The following MAPK1IP1L variants were observed in gnomAD, a reference collection of about 807,000 sequenced individuals.
MAPK1IP1L encodes the protein MAPK-interacting and spindle-stabilizing protein-like.
Under a neutral mutation model 18.1 loss-of-function variants are expected in MAPK1IP1L, and 10 were observed. The ratio of observed to expected loss-of-function variants is 0.55; its 90% confidence interval spans 0.34 to 0.94. The LOEUF (loss-of-function observed/expected upper bound fraction) is 0.94, where lower values mean the gene tolerates loss of function less well. MAPK1IP1L is among the 40% of genes least tolerant of loss of function. The pLI is 0.02. For synonymous variants in MAPK1IP1L, 115 were observed against 117.3 expected, an observed-to-expected ratio of 0.98 and a Z score of 0.13; for missense variants, 260 against 318.2, an observed-to-expected ratio of 0.82 and a Z score of 1.39.
In MAPK1IP1L at chr14:55,051,798, T is replaced by G. The variant is rs1489938942; in HGVS notation, c.-10T>G. The G allele has an allele frequency of 2.0e-6, 1 of 496,678 alleles. No individual in the cohort carries two copies. Among genetic ancestry groups the G allele is most frequent in the East Asian group, 6.1e-5 (1 of 16,308 alleles). 30.8% of individuals were successfully genotyped at this position (496,678 alleles called of 1,614,324 possible). On this transcript the variant is annotated 5_prime_UTR_variant, in exon 1 of 4. It adds an upstream start codon to the 5' untranslated region. Coordinates refer to ENST00000395468, the MANE Select transcript of MAPK1IP1L (RefSeq NM_144578.4). ...TAGACCCTACTGCGGTCTCGGATAT[T>G]GCCGGGTGAGGCTGCTTCGGTACTA...
chr14:55,053,754 C>G (rs915058363), intron 1 of MAPK1IP1L, among the ~76,000 whole-genome samples: 3 of 152,226 alleles, frequency 2.0e-5, no homozygotes, highest in African/African-American at 7.2e-5. Context: ...TCACCGCCCT[C>G]TACTCCCGGC....
At chr14:55,057,184 C>T (rs902838768) in intron 1 of MAPK1IP1L, among the ~76,000 whole-genome samples, 1 of 152,088 alleles carries the variant, frequency 6.6e-6, no homozygotes, top group African/African-American at 2.4e-5. Flanking sequence ...ACCTCTGTGC[C>T]CACTATCACT....
chr14:55,058,099 C>A (rs1306394995), intron 1 of MAPK1IP1L, among the ~76,000 whole-genome samples: 1 of 152,222 alleles, frequency 6.6e-6, no homozygotes, highest in Non-Finnish European at 1.5e-5. Context: ...GCCATCCCAG[C>A]ACAGGGTGCT....
In MAPK1IP1L at chr14:55,065,871, T is replaced by C. The variant is rs2042858302; in HGVS notation, c.*1244T>C. 1 of 152,104 alleles carries C rather than the reference T, an allele frequency of 6.6e-6. No individual in the cohort carries two copies. Among genetic ancestry groups the C allele is most frequent in the Admixed American group, 6.6e-5 (1 of 15,262 alleles). The allele number at this position is 152,104 out of a possible 1,614,324, so 9.4% of individuals were successfully genotyped here. A position where few individuals can be genotyped will look rare whatever the true frequency, so the allele number is the denominator to read the frequency against. ...GAGTTGAGTGCCATCTTTGAAAAAA[T>C]TACCCTCTAGCTCTAACACTGAAAA... On this transcript the variant is annotated 3_prime_UTR_variant, in exon 4 of 4. Coordinates refer to ENST00000395468, the MANE Select transcript of MAPK1IP1L (RefSeq NM_144578.4).
intron 2 of MAPK1IP1L, among the ~76,000 whole-genome samples, chr14:55,062,294 A>G (rs1171039993): frequency 2.6e-5 from 4 of 152,226 alleles, no homozygotes; most frequent in African/African-American, 9.6e-5. Context: ...CCAGGATTCA[A>G]ATCCATATCT....
chr14:55,057,041 GCTTT>G (rs77658530), intron 1 of MAPK1IP1L, among the ~76,000 whole-genome samples: 23 of 152,144 alleles, frequency 1.5e-4, no homozygotes, highest in African/African-American at 3.4e-4. Context: ...ATGTCTTCTT[GCTTT>G]CTTTATTAAC....
At chr14:55,060,229 T>A (rs1174568526) in intron 1 of MAPK1IP1L, 1 of 125,510 alleles carries the variant, frequency 8.0e-6, no homozygotes, top group East Asian at 2.8e-4. Flanking sequence ...TGGAGTGCAG[T>A]GGCGCAATCT....
chr14:55,054,720 C>G (rs1279447997), intron 1 of MAPK1IP1L, among the ~76,000 whole-genome samples: 1 of 152,164 alleles, frequency 6.6e-6, no homozygotes, highest in Non-Finnish European at 1.5e-5. Flanking sequence ...GTTTATCACT[C>G]CATCACAATT....
chr14:55,056,378 G>A (rs895847154), intron 1 of MAPK1IP1L, among the ~76,000 whole-genome samples: 3 of 152,148 alleles, frequency 2.0e-5, no homozygotes, highest in Admixed American at 6.5e-5. Flanking sequence ...ATTTCAGAAA[G>A]GCTAACCCTG....
At chr14:55,061,652 T>C in intron 1 of MAPK1IP1L, 28 bp from the exon 2 acceptor site, 1 of 1,516,404 alleles carries the variant, frequency 6.6e-7, no homozygotes, top group Non-Finnish European at 9.0e-7. Flanking sequence ...AATTTTTCTT[T>C]CTTCCTTCAT....
At position 55,053,453 on chromosome 14, in the gene MAPK1IP1L, A is replaced by T. The variant is rs2042746260; in HGVS notation, c.-5+1650A>T. Among the ~76,000 whole-genome samples, 3 of 152,232 alleles carry T rather than the reference A, an allele frequency of 2.0e-5. No individual in the cohort carries two copies. The South Asian group carries it at 6.2e-4, about 32-fold the overall frequency. ...ACTATTTTTTTAGGCACTTGATTGG[A>T]CAGAGTCCCATTTAGTTCCTCGCAA... On this transcript the variant is annotated intron_variant, in intron 1 of 3. Transcript: ENST00000395468.
At chr14:55,064,413 A>G (rs1566764689) in intron 3 of MAPK1IP1L, among the ~76,000 whole-genome samples, 1 of 152,054 alleles carries the variant, frequency 6.6e-6, no homozygotes, top group Non-Finnish European at 1.5e-5. Flanking sequence ...TACCCCTAAA[A>G]CTTCCTCCTT....
At chr14:55,054,463 C>G (rs756123713) in intron 1 of MAPK1IP1L, among the ~76,000 whole-genome samples, 11 of 152,082 alleles carry the variant, frequency 7.2e-5, no homozygotes, top group Non-Finnish European at 1.5e-4. Context: ...ATTTTCAGTA[C>G]GATACATATC....
intron 1 of MAPK1IP1L, among the ~76,000 whole-genome samples, chr14:55,053,188 A>G (rs1023648252): frequency 5.3e-5 from 8 of 152,314 alleles, no homozygotes; most frequent in African/African-American, 1.9e-4. Flanking sequence ...GCTATATTCC[A>G]GGCAGCGACT....
rs370079282 is a variant in MAPK1IP1L, at chr14:55,051,680, C to G, written c.-128C>G. ...TTCCGGCGCCAGGAGGAGCCGCGCGCTGCTGGTGCTGTTGCCGCCGCTGCT... is the reference window on the plus strand; with the variant it reads ...TTCCGGCGCCAGGAGGAGCCGCGCGGTGCTGGTGCTGTTGCCGCCGCTGCT... On this transcript the variant is annotated 5_prime_UTR_variant, in exon 1 of 4. Coordinates refer to ENST00000395468, the MANE Select transcript of MAPK1IP1L (RefSeq NM_144578.4). The G allele has an allele frequency of 1.2e-5, 6 of 515,918 alleles. No homozygotes were observed. Among genetic ancestry groups the G allele is most frequent in the South Asian group, 8.4e-5 (6 of 71,430 alleles). 32.0% of individuals were successfully genotyped at this position (515,918 alleles called of 1,614,324 possible).
At chr14:55,058,119 A>G (rs1030323190) in intron 1 of MAPK1IP1L, among the ~76,000 whole-genome samples, 23 of 152,088 alleles carry the variant, frequency 1.5e-4, no homozygotes, top group Non-Finnish European at 7.4e-5. Flanking sequence ...TCTCACCTAC[A>G]CCCACGCTCA....
intron 3 of MAPK1IP1L, chr14:55,064,003 CTTTTTTTTTTTTTT>C (rs71131249): frequency 0.22 from 17,222 of 76,552 alleles, 1,393 homozygotes; most frequent in South Asian, 0.32. Context: ...TCTGTTAACT[CTTTTTTTTTTTTTT>C]TTTTTTTTTT....
intron 3 of MAPK1IP1L, 90 bp from the exon 4 acceptor site, chr14:55,064,526 A>T: frequency 9.2e-7 from 1 of 1,092,764 alleles, no homozygotes; most frequent in Non-Finnish European, 1.4e-6. Flanking sequence ...TGGATTTATT[A>T]AGCAATAAAT....
At position 55,061,822 on chromosome 14, in the gene MAPK1IP1L, G is replaced by A. The variant is rs545132410; in HGVS notation, c.18+121G>A. Reference sequence around the variant, plus strand: ...ATGCTTTAACCAGGCATGGTGGTGTGCACCTGTAGTCCTAGCTACTTGGGA... The same window carrying A: ...ATGCTTTAACCAGGCATGGTGGTGTACACCTGTAGTCCTAGCTACTTGGGA... On this transcript the variant is annotated intron_variant, in intron 2 of 3. Coordinates refer to ENST00000395468, the MANE Select transcript of MAPK1IP1L (RefSeq NM_144578.4). 1.0e-4 allele frequency: 76 copies of A among 758,474 alleles called. No homozygotes were observed. The Middle Eastern group carries it at 4.1e-3, about 41-fold the overall frequency. The allele number at this position is 758,474 out of a possible 1,614,324, so 47.0% of individuals were successfully genotyped here.
Sources: allele counts gnomAD v4.1 joint callset (sites outside exome capture counted in the v4.1 genomes callset), GRCh38; gene constraint gnomAD v4.1.1; transcripts MANE v1.5; gene names NCBI Gene and HGNC (gene_info 2026-07-23, HGNC 2026-07-21).